The following HMGB3 variants were observed in gnomAD, a reference collection of about 807,000 sequenced individuals.
The protein encoded by HMGB3 is high mobility group box 3.
A neutral mutation model predicts 12.9 loss-of-function variants in HMGB3; 1 was observed. The observed-to-expected ratio is 0.08, with a 90% CI of 0.03 to 0.37. HMGB3 has a LOEUF of 0.37. HMGB3 is among the 10% of genes least tolerant of loss of function. The probability of loss-of-function intolerance (pLI) is 0.99; values close to 1 mark genes in which losing one functional copy is unlikely to be tolerated. For missense variants in HMGB3, 74 were observed against 153.3 expected (o/e 0.48, Z 2.73); for synonymous variants, 61 against 53.9 (o/e 1.13, Z -0.57).
upstream of HMGB3, among the ~76,000 whole-genome samples, chrX:150,982,552 A>G (rs1557425105): frequency 8.9e-6 from 1 of 112,535 alleles, no homozygotes; most frequent in East Asian, 2.8e-4. Flanking sequence ...GGGTAAGAAG[A>G]AAAGTGTTAT....
At position 150,983,375 on chromosome X, in the gene HMGB3, A is replaced by C; in HGVS notation, c.-7A>C. ...CGCTGCCCAGACTAGCGAACAATAC[A>C]GGTACGTCTCGCACCGCCCGCTCCC... On this transcript the variant is annotated splice_region_variant and 5_prime_UTR_variant, in exon 1 of 5. Transcript: ENST00000325307. The C allele has an allele frequency of 2.6e-6, 2 of 759,190 alleles. No individual in the cohort carries two copies. Among genetic ancestry groups the C allele is most frequent in the Non-Finnish European group, 3.1e-6 (2 of 645,280 alleles). 62.6% of individuals were successfully genotyped at this position (759,190 alleles called of 1,213,427 possible).
At chrX:150,984,512 A>C in intron 1 of HMGB3, 1 of 295,666 alleles carries the variant, frequency 3.4e-6, no homozygotes, top group Non-Finnish European at 4.4e-6. Flanking sequence ...CCGGCCGCAC[A>C]CCCCCCGCGC....
intron 3 of HMGB3, 127 bp downstream of exon 3, chrX:150,986,317 A>G: frequency 1.9e-6 from 1 of 522,449 alleles, no homozygotes; most frequent in Non-Finnish European, 3.0e-6. Flanking sequence ...AAAAGATGGC[A>G]ATACCTCTGC....
upstream of HMGB3, chrX:150,980,570 C>T: frequency 1.4e-6 from 1 of 731,643 alleles, no homozygotes. Context: ...TTCTTGAGAG[C>T]AGAGATCGAA....
intron 4 of HMGB3, 41 bp downstream of exon 4, chrX:150,987,343 G>A (rs782373400): frequency 9.0e-7 from 1 of 1,112,254 alleles, no homozygotes; most frequent in African/African-American, 1.8e-5. Context: ...AACAGGCAGT[G>A]GTTCTGCTAT....
intron 1 of HMGB3, among the ~76,000 whole-genome samples, chrX:150,984,156 G>C (rs1378435803): frequency 1.0e-5 from 1 of 96,742 alleles, no homozygotes; most frequent in Non-Finnish European, 2.1e-5. Flanking sequence ...CCTCGGCCCC[G>C]GCGCCCGCGG....
intron 1 of HMGB3, among the ~76,000 whole-genome samples, chrX:150,983,919 G>A (rs2048017822): frequency 9.4e-6 from 1 of 105,839 alleles, no homozygotes; most frequent in Admixed American, 9.7e-5. Context: ...TCGCTCCCGG[G>A]CTTGGCCCGG....
At chrX:150,983,398 CCCGCCGCCGCCGCCGCCGCCG>C (rs782215936) in intron 1 of HMGB3, 22 bp downstream of exon 1, 225,684 of 675,942 alleles carry the variant, frequency 0.33, 19,719 homozygotes, top group South Asian at 0.55. Context: ...ACCGCCCGCT[CCCGCCGCCGCCGCCGCCGCCG>C]CCGCCGCCGC....
rs1569566463 is a variant in HMGB3, at chrX:150,987,313, G to A, written c.465+11G>A. The A allele has an allele frequency of 1.7e-6, 2 of 1,192,435 alleles. No homozygotes were observed. Among genetic ancestry groups the A allele is most frequent in the South Asian group, 1.9e-5 (1 of 53,883 alleles). ...GAGAAGTATGAGAAGGTAAGGTGGG[G>A]CTGGAAGCCTGGACTGGTGAACAGG... On this transcript the variant is annotated intron_variant, in intron 4 of 4. Transcript: ENST00000325307.
intron 2 of HMGB3, 67 bp from the exon 3 acceptor site, chrX:150,985,984 A>C: frequency 8.9e-7 from 1 of 1,129,245 alleles, no homozygotes; most frequent in South Asian, 2.1e-5. Context: ...TGCTAGTTTA[A>C]TCACAAGAAA....
upstream of HMGB3, among the ~76,000 whole-genome samples, chrX:150,982,267 C>A (rs782398188): frequency 4.5e-5 from 5 of 111,551 alleles, no homozygotes; most frequent in Non-Finnish European, 9.4e-5. Context: ...TGAATTCCAG[C>A]AACACCTGCC....
upstream of HMGB3, chrX:150,983,325 G>C (rs1468603133): frequency 4.0e-6 from 3 of 754,006 alleles, no homozygotes; most frequent in African/African-American, 2.3e-5. Context: ...AGGCTGGGGA[G>C]CGCTGAGCCG....
rs782427760 is a variant in HMGB3, at chrX:150,987,841, G to A, written c.530G>A (p.Arg177Gln). The A allele has an allele frequency of 1.7e-6, 2 of 1,202,988 alleles. No homozygotes were observed. Among genetic ancestry groups the A allele is most frequent in the South Asian group, 1.8e-5 (1 of 56,641 alleles). The change falls in exon 5 of 5, where the codon CGG (arginine) becomes CAG (glutamine). Residue 177 changes from arginine (R) to glutamine (Q), a missense_variant. Arg to Gln is a conservative substitution (Grantham distance 43). Around this residue, in one of 2 missense-constraint regions of HMGB3, gnomAD observed 29 missense variants for 29.5 expected, o/e 0.98. Coordinates refer to ENST00000325307, the MANE Select transcript of HMGB3 (RefSeq NM_005342.4). ...GCAAAGGGTCCTGCTAAAGTTGCCC[G>A]GAAAAAGGTGGAAGAGGAAGATGAA... ...DGAKGPAKVA[R>Q]KKVEEEDEEE...
chrX:150,985,738 G>A lies in HMGB3; in HGVS notation c.139G>A (p.Glu47Lys). Reference sequence around the variant, plus strand: ...TGCGGAATTTTCCAAGAAGTGCTCTGAGAGGTGGAAGGTATTTTTCTTTGG... The same window carrying A: ...TGCGGAATTTTCCAAGAAGTGCTCTAAGAGGTGGAAGGTATTTTTCTTTGG... ...NFAEFSKKCSERWKTMSGKEK... is the reference protein window; with the variant it reads ...NFAEFSKKCSKRWKTMSGKEK... The change falls in exon 2 of 5, where the codon GAG (glutamate) becomes AAG (lysine). Residue 47 changes from glutamate to lysine, a missense_variant. By Grantham distance (56) the Glu-to-Lys change is moderately conservative (BLOSUM62 1). Transcript: ENST00000325307. 8.3e-7 allele frequency: 1 copy of A among 1,209,681 alleles called. No individual in the cohort carries two copies. Among genetic ancestry groups the A allele is most frequent in the Non-Finnish European group, 1.1e-6 (1 of 893,901 alleles).
chrX:150,983,388 A>T lies in HMGB3; in HGVS notation c.-6+12A>T, dbSNP rs1269816084. ...AGCGAACAATACAGGTACGTCTCGC[A>T]CCGCCCGCTCCCGCCGCCGCCGCCG... On this transcript the variant is annotated intron_variant, in intron 1 of 4. Transcript: ENST00000325307. The T allele has an allele frequency of 3.5e-4, 266 of 754,339 alleles. No individual in the cohort carries two copies. The highest frequency in any genetic ancestry group is 3.9e-4 in the Non-Finnish European group (253 of 644,085). 62.2% of individuals were successfully genotyped at this position (754,339 alleles called of 1,213,427 possible).
intron 1 of HMGB3, 194 bp from the exon 2 acceptor site, chrX:150,985,401 T>G: frequency 2.8e-6 from 1 of 357,368 alleles, no homozygotes; most frequent in East Asian, 4.1e-5. Context: ...GGTCAAAAGT[T>G]AAATGACAAG....
chrX:150,983,398 CCCGCCGCCGCCGCCG>C (rs782215936), intron 1 of HMGB3, 22 bp downstream of exon 1: 61,987 of 698,224 alleles, frequency 0.089, 1,622 homozygotes, highest in Non-Finnish European at 0.094. Flanking sequence ...ACCGCCCGCT[CCCGCCGCCGCCGCCG>C]CCGCCGCCGC....
chrX:150,985,653 C>G lies in HMGB3; in HGVS notation c.54C>G (p.Phe18Leu). Residue 18 changes from phenylalanine (F) to leucine (L), a missense_variant, in exon 2 of 5, where the codon TTC becomes TTG. By Grantham distance (22) the Phe-to-Leu change is conservative. This residue lies in a region of HMGB3 where 45 missense variants were observed against 123.8 expected (regional missense o/e 0.36). Coordinates refer to ENST00000325307, the MANE Select transcript of HMGB3 (RefSeq NM_005342.4). ...AGGGCAAGATGTCCGCTTATGCCTT[C>G]TTTGTGCAGACATGCAGAGAAGAAC... ...KPKGKMSAYA[F>L]FVQTCREEHK... 8.3e-7 allele frequency: 1 copy of G among 1,205,336 alleles called. No homozygotes were observed. The highest frequency in any genetic ancestry group is 1.1e-6 in the Non-Finnish European group (1 of 891,813).
chrX:150,985,860 C>G (rs2048046874), intron 2 of HMGB3, 111 bp downstream of exon 2: 2 of 859,346 alleles, frequency 2.3e-6, no homozygotes, highest in African/African-American at 2.0e-5. Context: ...TTTACTTTTA[C>G]TTAGAATCAT....
Sources: allele counts gnomAD v4.1 joint callset (sites outside exome capture counted in the v4.1 genomes callset), GRCh38; gene constraint gnomAD v4.1.1; regional missense constraint gnomAD v4.1.1; transcripts MANE v1.5; gene names NCBI Gene and HGNC (gene_info 2026-07-23, HGNC 2026-07-21).